The following EMILIN2 variants were observed in gnomAD, a reference collection of about 807,000 sequenced individuals.
EMILIN2 encodes the protein elastin microfibril interfacer 2.
EMILIN2 carries 71 observed loss-of-function variants against 87.1 expected under a neutral mutation model. The observed-to-expected ratio is 0.82, with a 90% confidence interval of 0.67 to 0.99. EMILIN2 has a LOEUF of 0.99. Among genes scored for constraint, EMILIN2 ranks in the 50% least tolerant of loss-of-function variants. EMILIN2 has a pLI of 0.00. For synonymous variants in EMILIN2, 581 were observed against 563.4 expected, an observed-to-expected ratio of 1.03 and a Z score of -0.44; for missense variants, 1,407 against 1,371.8, an observed-to-expected ratio of 1.03 and a Z score of -0.40.
chr18:2,852,609 C>T (rs961036350), intron 2 of EMILIN2, among the ~76,000 whole-genome samples: 18 of 152,316 alleles, frequency 1.2e-4, no homozygotes, highest in Admixed American at 9.1e-4. Context: ...ACCTCCACCT[C>T]CTGGGTTCAA....
At chr18:2,873,102 C>G (rs948256644) in intron 2 of EMILIN2, among the ~76,000 whole-genome samples, 1 of 151,660 alleles carries the variant, frequency 6.6e-6, no homozygotes, top group Non-Finnish European at 1.5e-5. Flanking sequence ...GGAAGCAAGC[C>G]ACCTATATTT....
chr18:2,868,646 A>G (rs998796805), intron 2 of EMILIN2, among the ~76,000 whole-genome samples: 3 of 152,104 alleles, frequency 2.0e-5, no homozygotes, highest in Admixed American at 2.0e-4. Context: ...AAATACGAAA[A>G]CCAGTCAGGC....
At chr18:2,912,286 C>T (rs1051500681) in intron 7 of EMILIN2, among the ~76,000 whole-genome samples, 5 of 152,034 alleles carry the variant, frequency 3.3e-5, no homozygotes, top group African/African-American at 7.2e-5. Context: ...GGTGATCTGC[C>T]CACCTTGGCC....
At chr18:2,858,553 A>ATATATATATGTGTGTGTGTGTG (rs2076641036) in intron 2 of EMILIN2, among the ~76,000 whole-genome samples, 10 of 50,046 alleles carry the variant, frequency 2.0e-4, no homozygotes, top group African/African-American at 1.3e-3. Flanking sequence ...ATATATATAT[A>ATATATATATGTGTGTGTGTGTG]TATATATATA....
At chr18:2,873,017 TAAAA>T (rs2076727775) in intron 2 of EMILIN2, among the ~76,000 whole-genome samples, 1 of 120,378 alleles carries the variant, frequency 8.3e-6, no homozygotes, top group South Asian at 2.5e-4. Context: ...TTTATTTAAA[TAAAA>T]CAACAAAATA....
In EMILIN2 at chr18:2,909,627, C is replaced by T; in HGVS notation, c.2696-64C>T. 1.3e-6 allele frequency: 2 copies of T among 1,578,570 alleles called. 1 individual carries two copies. Among genetic ancestry groups the T allele is most frequent in the South Asian group, 2.3e-5 (2 of 86,176 alleles). On this transcript the variant is annotated intron_variant, in intron 6 of 7. Coordinates refer to ENST00000254528, the MANE Select transcript of EMILIN2 (RefSeq NM_032048.3). Reference sequence around the variant, plus strand: ...GCCTGGCACGTAGGCCTCAGTTTTCCAGGCCCTCCCCCTGGAGGACAGAAG... The same window carrying T: ...GCCTGGCACGTAGGCCTCAGTTTTCTAGGCCCTCCCCCTGGAGGACAGAAG...
At chr18:2,886,198 AAG>A (rs1209656244) in intron 3 of EMILIN2, among the ~76,000 whole-genome samples, 1 of 152,254 alleles carries the variant, frequency 6.6e-6, no homozygotes, top group Non-Finnish European at 1.5e-5. Context: ...TACTTGGAAT[AAG>A]TGAGAAAAAA....
chr18:2,868,027 T>C (rs56331422), intron 2 of EMILIN2, among the ~76,000 whole-genome samples: 24,892 of 146,466 alleles, frequency 0.17, 4,206 homozygotes, highest in East Asian at 0.48. Context: ...CGGGCGGAGA[T>C]GCTCCTCACT....
chr18:2,883,491 G>C (rs1363155681), intron 2 of EMILIN2, among the ~76,000 whole-genome samples: 1 of 152,232 alleles, frequency 6.6e-6, no homozygotes, highest in Non-Finnish European at 1.5e-5. Flanking sequence ...CTTCAAGAGA[G>C]ATGATTTGCA....
In EMILIN2 at chr18:2,892,374, G is replaced by T. The variant is rs368852644; in HGVS notation, c.2247G>T (p.Arg749Ser). The change falls in exon 4 of 8, where the codon AGG becomes AGT. Residue 749 changes from arginine to serine, a missense_variant. Physicochemically the swap from Arg to Ser is moderately radical, Grantham distance 110. Transcript: ENST00000254528. ...TCAGGCAGATGAACGGAACGCTCAG[G>T]TCGCATTCCAGAGACATTTCTGGCC... ...NCVRQMNGTLRSHSRDISGLK... is the reference protein window; with the variant it reads ...NCVRQMNGTLSSHSRDISGLK... The T allele has an allele frequency of 1.2e-6, 2 of 1,614,038 alleles. No individual in the cohort carries two copies. Among genetic ancestry groups the T allele is most frequent in the African/African-American group, 1.3e-5 (1 of 74,936 alleles).
Position 2,891,923 on chromosome 18 carries a change from A to G in EMILIN2, c.1796A>G (p.Gln599Arg), listed in dbSNP as rs1268383404. 1 of 1,614,242 alleles carries G rather than the reference A, an allele frequency of 6.2e-7. No individual in the cohort carries two copies. Among genetic ancestry groups the G allele is most frequent in the Non-Finnish European group, 8.5e-7 (1 of 1,180,044 alleles). Reference protein sequence around the residue: ...TMHRKFQETEQTIQKLQQDFS... With the variant: ...TMHRKFQETERTIQKLQQDFS... ...CACAGGAAGTTTCAAGAAACCGAAC[A>G]AACCATCCAGAAACTTCAACAGGAT... Residue 599 changes from glutamine (Q) to arginine (R), a missense_variant, in exon 4 of 8, where the codon CAA becomes CGA. Coordinates refer to ENST00000254528, the MANE Select transcript of EMILIN2 (RefSeq NM_032048.3). The surrounding 1 kb of genome is among the most constrained non-coding windows in gnomAD (Gnocchi z 4.6).
intron 2 of EMILIN2, among the ~76,000 whole-genome samples, chr18:2,857,949 C>T (rs756703704): frequency 3.3e-5 from 5 of 152,116 alleles, no homozygotes; most frequent in East Asian, 1.9e-4. Context: ...TCGAGATTTG[C>T]GAGTCATTCT....
chr18:2,913,168 A>C lies in EMILIN2; in HGVS notation c.2926A>C (p.Ser976Arg), dbSNP rs765971166. Residue 976 changes from serine (S) to arginine (R), a missense_variant, in exon 8 of 8, where the codon AGC (serine) becomes CGC (arginine). By Grantham distance (110) the Ser-to-Arg change is moderately radical. Coordinates refer to ENST00000254528, the MANE Select transcript of EMILIN2 (RefSeq NM_032048.3). ...VEAVLSVSNA[S>R]VAQLHTAGYR... Reference sequence around the variant, plus strand: ...AGCAGTGCTGTCGGTCTCCAACGCCAGCGTGGCCCAGCTGCATACCGCTGG... The same window carrying C: ...AGCAGTGCTGTCGGTCTCCAACGCCCGCGTGGCCCAGCTGCATACCGCTGG... 6.2e-7 allele frequency: 1 copy of C among 1,613,516 alleles called. No homozygotes were observed. The highest frequency in any genetic ancestry group is 8.5e-7 in the Non-Finnish European group (1 of 1,179,978).
upstream of EMILIN2, chr18:2,846,861 C>T: frequency 1.0e-6 from 1 of 985,294 alleles, no homozygotes; most frequent in Non-Finnish European, 1.2e-6. This position sits in a 1 kb window ranked among gnomAD's most constrained non-coding sequence, Gnocchi z 5.3. Context: ...AGCCCCCTGC[C>T]GAGAAGCGAA....
rs190192026 is a variant in EMILIN2, at chr18:2,876,450, G to C, written c.258-8514G>C. 8.9e-4 allele frequency among the ~76,000 whole-genome samples: 135 copies of C among 151,990 alleles called. 1 individual carries two copies. Among genetic ancestry groups the C allele is most frequent in the African/African-American group, 3.0e-3 (126 of 41,482 alleles). On this transcript the variant is annotated intron_variant, in intron 2 of 7. Coordinates refer to ENST00000254528, the MANE Select transcript of EMILIN2 (RefSeq NM_032048.3). ...TTTTCATTTTGAACACACTGCATTG[G>C]TCTTAGATCTGTTATTTTAAAAATA...
intron 2 of EMILIN2, among the ~76,000 whole-genome samples, chr18:2,874,576 T>C (rs1455041119): frequency 1.3e-5 from 2 of 152,156 alleles, no homozygotes; most frequent in African/African-American, 4.8e-5. Context: ...CCATGCCCCT[T>C]CTGAGCAGAG....
intron 2 of EMILIN2, among the ~76,000 whole-genome samples, chr18:2,857,657 T>A (rs2076634817): frequency 6.6e-6 from 1 of 152,194 alleles, no homozygotes. Context: ...TTAAAGCGAC[T>A]CTGGCTTGCC....
At position 2,891,378 on chromosome 18, in the gene EMILIN2, G is replaced by A; in HGVS notation, c.1251G>A (p.Glu417=). The A allele has an allele frequency of 6.2e-7, 1 of 1,614,218 alleles. No individual in the cohort carries two copies. Among genetic ancestry groups the A allele is most frequent in the Non-Finnish European group, 8.5e-7 (1 of 1,180,036 alleles). Residue 417 remains glutamate, a synonymous_variant, in exon 4 of 8, where the codon GAG becomes GAA. Transcript: ENST00000254528. This position sits in a 1 kb window ranked among gnomAD's most constrained non-coding sequence, Gnocchi z 4.6. The part of the protein sequence containing the change: ...QQIKTLDQKI[E]RVAEATRMLN... ...TCAAGACATTGGACCAGAAAATCGA[G>A]AGAGTTGCTGAAGCCACCAGAATGC... is the stretch of plus-strand genomic sequence containing the variant.
intron 2 of EMILIN2, among the ~76,000 whole-genome samples, chr18:2,859,927 A>G (rs771931930): frequency 3.3e-5 from 5 of 152,188 alleles, no homozygotes; most frequent in African/African-American, 9.7e-5. Context: ...CCATTGGTCT[A>G]TGTGCCTATT....
Sources: allele counts gnomAD v4.1 joint callset (sites outside exome capture counted in the v4.1 genomes callset), GRCh38; gene constraint gnomAD v4.1.1; non-coding constraint Gnocchi (gnomAD v3.1); transcripts MANE v1.5; gene names NCBI Gene and HGNC (gene_info 2026-07-23, HGNC 2026-07-21).